The following ATXN1 variants were observed in gnomAD, a reference collection of about 807,000 sequenced individuals.
ATXN1 encodes the protein ataxin-1.
ATXN1 carries 8 observed loss-of-function variants against 56.4 expected under a neutral mutation model. The observed-to-expected ratio is 0.14, with a 90% CI of 0.08 to 0.26. ATXN1 has a LOEUF of 0.26. Ranked by LOEUF, ATXN1 falls within the 10% of genes least tolerant of loss-of-function variation. The pLI is 1.00. For missense variants in ATXN1, 987 were observed against 1,106.5 expected (o/e 0.89, Z 1.53); for synonymous variants, 514 against 494.6 (o/e 1.04, Z -0.52).
intron 6 of ATXN1, among the ~76,000 whole-genome samples, chr6:16,342,231 C>T (rs1350315175): frequency 6.6e-6 from 1 of 151,892 alleles, no homozygotes; most frequent in Non-Finnish European, 1.5e-5. Flanking sequence ...CCCACTTTGC[C>T]AACACAAAAG....
chr6:16,671,810 C>T (rs1758546901), intron 2 of ATXN1, among the ~76,000 whole-genome samples: 3 of 152,166 alleles, frequency 2.0e-5, no homozygotes, highest in Admixed American at 2.0e-4. Context: ...GATTTGAATA[C>T]GTCAAAACAC....
At chr6:16,569,287 G>A (rs1386503084) in intron 4 of ATXN1, among the ~76,000 whole-genome samples, 3 of 152,164 alleles carry the variant, frequency 2.0e-5, no homozygotes, top group Non-Finnish European at 4.4e-5. Context: ...GGGAGGCCAA[G>A]GTGGGCGGAT....
At chr6:16,394,936 G>C (rs915597930) in intron 6 of ATXN1, among the ~76,000 whole-genome samples, 2 of 152,148 alleles carry the variant, frequency 1.3e-5, no homozygotes, top group Non-Finnish European at 2.9e-5. Context: ...AGGTCTGTGA[G>C]AGCTAACAGT....
At chr6:16,367,710 A>G (rs540955323) in intron 6 of ATXN1, among the ~76,000 whole-genome samples, 1 of 137,976 alleles carries the variant, frequency 7.2e-6, no homozygotes, top group African/African-American at 3.4e-5. Flanking sequence ...TTGCCTTGCA[A>G]GAAGGTATGC....
At chr6:16,591,313 C>G (rs1189123197) in intron 3 of ATXN1, among the ~76,000 whole-genome samples, 1 of 152,128 alleles carries the variant, frequency 6.6e-6, no homozygotes, top group Non-Finnish European at 1.5e-5. Flanking sequence ...AATTATAATT[C>G]TATTCCATGG....
intron 3 of ATXN1, among the ~76,000 whole-genome samples, chr6:16,600,023 T>C (rs1324547883): frequency 2.0e-5 from 3 of 152,238 alleles, no homozygotes; most frequent in East Asian, 1.9e-4. Context: ...ATGTGGTTCA[T>C]TGCGTCTTTT....
chr6:16,457,207 C>T (rs567889091), intron 6 of ATXN1, among the ~76,000 whole-genome samples: 26 of 152,132 alleles, frequency 1.7e-4, no homozygotes, highest in Non-Finnish European at 2.4e-4. Context: ...GGTCTAAAGA[C>T]GAAAGGCAAG....
chr6:16,607,932 TAC>T (rs1362740861), intron 3 of ATXN1, among the ~76,000 whole-genome samples: 2 of 152,220 alleles, frequency 1.3e-5, no homozygotes, highest in Non-Finnish European at 2.9e-5. Flanking sequence ...AATAGGATTC[TAC>T]AGTCTTCTTA....
chr6:16,520,896 A>G (rs796497558), intron 5 of ATXN1, among the ~76,000 whole-genome samples: 45 of 152,346 alleles, frequency 3.0e-4, no homozygotes, highest in African/African-American at 1.0e-3. Context: ...GTAGACACCA[A>G]TTACGTCTGT....
chr6:16,567,191 G>A (rs1173649960), intron 4 of ATXN1, among the ~76,000 whole-genome samples: 1 of 152,132 alleles, frequency 6.6e-6, no homozygotes, highest in Non-Finnish European at 1.5e-5. Flanking sequence ...GGACAATCTG[G>A]GGGGATATGA....
chr6:16,672,379 T>C (rs1459135647), intron 2 of ATXN1, among the ~76,000 whole-genome samples: 2 of 152,242 alleles, frequency 1.3e-5, no homozygotes, highest in African/African-American at 4.8e-5. Flanking sequence ...CTTCTTTTGC[T>C]ACATCTAGCT....
chr6:16,739,824 A>G, intron 2 of ATXN1: 1 of 456,788 alleles, frequency 2.2e-6, no homozygotes, highest in South Asian at 1.5e-5. Flanking sequence ...CGAGTTCATA[A>G]ACACTTTGAA....
At chr6:16,746,297 A>C (rs1760534482) in intron 2 of ATXN1, among the ~76,000 whole-genome samples, 1 of 152,218 alleles carries the variant, frequency 6.6e-6, no homozygotes, top group South Asian at 2.1e-4. Context: ...AGAAACTATT[A>C]ATAATTGCAA....
At chr6:16,481,293 A>G (rs114797514) in intron 6 of ATXN1, among the ~76,000 whole-genome samples, 1,662 of 152,116 alleles carry the variant, frequency 0.011, 8 homozygotes, top group African/African-American at 0.017. Flanking sequence ...TTTTTTTGTA[A>G]CGCTGGAGAA....
At chr6:16,668,939 C>T (rs993995893) in intron 2 of ATXN1, among the ~76,000 whole-genome samples, 2 of 152,010 alleles carry the variant, frequency 1.3e-5, no homozygotes, top group African/African-American at 4.8e-5. Flanking sequence ...ATTTGGATGA[C>T]AGACTGCAGG....
Position 16,328,228 on chromosome 6 carries a change from T to C in ATXN1, c.83A>G (p.Glu28Gly). The C allele has an allele frequency of 1.3e-6, 2 of 1,576,268 alleles. No individual in the cohort carries two copies. Among genetic ancestry groups the C allele is most frequent in the Non-Finnish European group, 1.7e-6 (2 of 1,158,508 alleles). The change falls in exon 7 of 8, where the codon GAG (glutamate) becomes GGG (glycine). Residue 28 changes from glutamate (E) to glycine (G), a missense_variant. Around this residue, in one of 3 missense-constraint regions of ATXN1, gnomAD observed 723 missense variants for 791.7 expected, o/e 0.91. Transcript: ENST00000436367. This position sits in a 1 kb window ranked among gnomAD's most constrained non-coding sequence, Gnocchi z 6.2. ...EIPATSRSSE[E>G]KAPTLPSDNH... is the part of the protein sequence containing the mutation. ...GTCGCTGGGCAGGGTAGGGGCCTTC[T>C]CCTCGGAGGACCGGCTGGTGGCGGG... is the stretch of plus-strand genomic sequence containing the variant.
intron 4 of ATXN1, among the ~76,000 whole-genome samples, chr6:16,550,682 T>A (rs11754856): frequency 6.6e-6 from 1 of 152,092 alleles, no homozygotes; most frequent in Admixed American, 6.5e-5. Flanking sequence ...ACACAGCTAA[T>A]AAACCACAGA....
At chr6:16,647,035 C>T (rs554396631) in intron 3 of ATXN1, among the ~76,000 whole-genome samples, 3 of 152,110 alleles carry the variant, frequency 2.0e-5, no homozygotes, top group South Asian at 2.1e-4. Flanking sequence ...GAAGAAGTCT[C>T]GCTCTGTCAC....
chr6:16,380,149 C>T (rs944309428), intron 6 of ATXN1, among the ~76,000 whole-genome samples: 2 of 152,154 alleles, frequency 1.3e-5, no homozygotes, highest in African/African-American at 4.8e-5. Context: ...GCCCAGATCA[C>T]AGATGCGCAG....
Sources: allele counts gnomAD v4.1 joint callset (sites outside exome capture counted in the v4.1 genomes callset), GRCh38; gene constraint gnomAD v4.1.1; regional missense constraint gnomAD v4.1.1; non-coding constraint Gnocchi (gnomAD v3.1); transcripts MANE v1.5; gene names NCBI Gene and HGNC (gene_info 2026-07-23, HGNC 2026-07-21).